The following NREP variants were observed in gnomAD, a reference collection of about 807,000 sequenced individuals.
The protein encoded by NREP is neuronal regeneration related protein.
A neutral mutation model predicts 8.6 loss-of-function variants in NREP; 5 were observed. The observed-to-expected ratio is 0.58, with a 90% CI of 0.30 to 1.22. The LOEUF is 1.22. Among genes scored for constraint, NREP ranks in the 50% most tolerant of loss-of-function variants. NREP has a pLI of 0.07. For missense variants in NREP, 86 were observed against 82.5 expected, an observed-to-expected ratio of 1.04 and a Z score of -0.17; for synonymous variants, 27 against 28.0, an observed-to-expected ratio of 0.96 and a Z score of 0.11.
At chr5:111,841,634 G>T (rs6883284) in intron 2 of NREP, among the ~76,000 whole-genome samples, 10,211 of 151,996 alleles carry the variant, frequency 0.067, 981 homozygotes, top group African/African-American at 0.22. Flanking sequence ...AGGGGTGTTC[G>T]TAAACCTGGG....
chr5:111,828,864 G>GCTATCATAATGAATAAGACC (rs1382270333), intron 2 of NREP, among the ~76,000 whole-genome samples: 6 of 152,114 alleles, frequency 3.9e-5, no homozygotes, highest in African/African-American at 1.4e-4. Flanking sequence ...AATAAGACAA[G>GCTATCATAATGAATAAGACC]TTCTCTCAGG....
chr5:111,772,975 T>C lies in NREP; in HGVS notation c.136-37468A>G, dbSNP rs562437460. Among the ~76,000 whole-genome samples, 3 of 152,300 alleles carry C rather than the reference T, an allele frequency of 2.0e-5. No homozygotes were observed. In the East Asian group the frequency reaches 5.8e-4, roughly 29 times the overall value. On this transcript the variant is annotated intron_variant, in intron 2 of 3. Transcript: ENST00000395634. ...AATGTTCCATTTTAGGTTCCGTGTT[T>C]ATCTGTTTTCAACTAAGTCAACATA...
At chr5:111,844,570 C>T (rs1753111626) in intron 2 of NREP, among the ~76,000 whole-genome samples, 1 of 149,830 alleles carries the variant, frequency 6.7e-6, no homozygotes, top group Non-Finnish European at 1.5e-5. Context: ...TTGGTGATCC[C>T]TCTCAGTCTT....
chr5:111,788,967 T>A (rs1254201222), intron 2 of NREP, among the ~76,000 whole-genome samples: 1 of 152,196 alleles, frequency 6.6e-6, no homozygotes, highest in Non-Finnish European at 1.5e-5. Context: ...GAGCATCAGC[T>A]CTTCCCGCCT....
chr5:111,828,250 G>T (rs552119061), intron 2 of NREP, among the ~76,000 whole-genome samples: 1 of 152,030 alleles, frequency 6.6e-6, no homozygotes, highest in Non-Finnish European at 1.5e-5. Context: ...GGCTAGTTGC[G>T]AACTCTCAAC....
rs140163267 is a variant in NREP at position 111,946,297 on chromosome 5, T to C, written c.135+28977A>G. 2.9e-3 allele frequency among the ~76,000 whole-genome samples: 436 copies of C among 151,974 alleles called. 4 individuals are homozygous for C. The highest frequency in any genetic ancestry group is 0.01 in the Middle Eastern group (3 of 294). Reference sequence around the variant, plus strand: ...GCTCCCAAAAAACAAGATCCTCAAATGAACCTTAACAAAGTACTGCCAACA... The same window carrying C: ...GCTCCCAAAAAACAAGATCCTCAAACGAACCTTAACAAAGTACTGCCAACA... On this transcript the variant is annotated intron_variant, in intron 2 of 3. Coordinates refer to the NREP transcript ENST00000395634.
chr5:111,792,064 G>T (rs1751761802), intron 2 of NREP, among the ~76,000 whole-genome samples: 1 of 152,158 alleles, frequency 6.6e-6, no homozygotes, highest in Non-Finnish European at 1.5e-5. Flanking sequence ...TAAATAATTT[G>T]CTTTAGACCT....
chr5:111,785,164 T>A (rs551852333), intron 2 of NREP, among the ~76,000 whole-genome samples: 111 of 152,340 alleles, frequency 7.3e-4, no homozygotes, highest in Middle Eastern at 3.4e-3. Flanking sequence ...TTTCTTCCTT[T>A]AGCATAGATT....
chr5:111,916,387 C>T (rs1322400964), intron 2 of NREP, among the ~76,000 whole-genome samples: 1 of 152,010 alleles, frequency 6.6e-6, no homozygotes, highest in East Asian at 1.9e-4. Flanking sequence ...CCACCCTGGA[C>T]CCCAGTCACT....
At chr5:111,791,086 C>A (rs1219498651) in intron 2 of NREP, among the ~76,000 whole-genome samples, 1 of 152,056 alleles carries the variant, frequency 6.6e-6, no homozygotes, top group East Asian at 1.9e-4. Context: ...TTGTTTATTG[C>A]TTTTGTAATT....
At chr5:111,961,119 C>G (rs1360323347) in intron 2 of NREP, among the ~76,000 whole-genome samples, 1 of 152,148 alleles carries the variant, frequency 6.6e-6, no homozygotes, top group Non-Finnish European at 1.5e-5. Flanking sequence ...GAAGCTGAGG[C>G]CCAAAGAGGT....
chr5:111,970,644 G>A (rs1156748256), intron 2 of NREP, among the ~76,000 whole-genome samples: 1 of 151,864 alleles, frequency 6.6e-6, no homozygotes, highest in African/African-American at 2.4e-5. Context: ...TGGCCAACAT[G>A]GTGAAACCCC....
intron 2 of NREP, among the ~76,000 whole-genome samples, chr5:111,875,122 A>C (rs558739964): frequency 6.6e-6 from 1 of 152,286 alleles, no homozygotes; most frequent in South Asian, 2.1e-4. Flanking sequence ...AGAAATAACA[A>C]AGACAAGGCA....
chr5:111,812,600 A>C (rs10067660), intron 2 of NREP, among the ~76,000 whole-genome samples: 11,982 of 152,204 alleles, frequency 0.079, 600 homozygotes, highest in Non-Finnish European at 0.12. Context: ...TTTAAATTTT[A>C]CCAAAAAATC....
At chr5:111,838,228 T>C (rs1194117701) in intron 2 of NREP, among the ~76,000 whole-genome samples, 1 of 152,188 alleles carries the variant, frequency 6.6e-6, no homozygotes, top group Non-Finnish European at 1.5e-5. Flanking sequence ...TTGCAGAATG[T>C]CTTCTAAATT....
At chr5:111,929,168 T>C (rs1005104742) in intron 2 of NREP, among the ~76,000 whole-genome samples, 8 of 152,184 alleles carry the variant, frequency 5.3e-5, no homozygotes, top group Admixed American at 4.6e-4. Flanking sequence ...TGTCTTTTGC[T>C]AGAAGCTTAA....
intron 2 of NREP, among the ~76,000 whole-genome samples, chr5:111,865,848 A>G (rs1250102694): frequency 1.3e-5 from 2 of 152,174 alleles, no homozygotes; most frequent in Non-Finnish European, 2.9e-5. Flanking sequence ...CTTACTTCCA[A>G]GTCACATCAT....
Position 111,879,531 on chromosome 5 carries a change from T to A in NREP, c.135+95743A>T, listed in dbSNP as rs151163367. 6.4e-3 allele frequency among the ~76,000 whole-genome samples: 971 copies of A among 152,344 alleles called. 6 individuals are homozygous for A. The highest frequency in any genetic ancestry group is 0.01 in the Non-Finnish European group (681 of 68,036). ...TGTATACTTACTGTCTGTCCTGTCT[T>A]CTAGACTGGAAATATCTTAAGTACA... On this transcript the variant is annotated intron_variant, in intron 2 of 3. Transcript: ENST00000395634.
intron 2 of NREP, among the ~76,000 whole-genome samples, chr5:111,813,685 A>G (rs1752318315): frequency 6.6e-6 from 1 of 152,144 alleles, no homozygotes; most frequent in Non-Finnish European, 1.5e-5. Flanking sequence ...CCTCTCTGAA[A>G]GGAACTGGTT....
Sources: gnomAD v4.1 joint callset for allele counts (sites outside exome capture counted in the v4.1 genomes callset) on GRCh38, gnomAD v4.1.1 for gene constraint, MANE v1.5 for transcripts, NCBI Gene and HGNC (gene_info 2026-07-23, HGNC 2026-07-21) for gene names.